Variants in TMEM230 observed in about 807,000 individuals in gnomAD.
The protein encoded by TMEM230 is transmembrane protein 230.
A neutral mutation model predicts 15.8 loss-of-function variants in TMEM230; 10 were observed. That is an observed-to-expected ratio of 0.63 (90% CI 0.39 to 1.07). The LOEUF (loss-of-function observed/expected upper bound fraction) is 1.07. Ranked by LOEUF, TMEM230 falls within the 50% of genes least tolerant of loss-of-function variation. TMEM230 has a pLI of 0.01. For synonymous variants in TMEM230, 67 were observed against 76.9 expected (o/e 0.87, Z 0.68); for missense variants, 165 against 193.3 (o/e 0.85, Z 0.87).
At chr20:5,107,239 G>A (rs914996189) in intron 3 of TMEM230, among the ~76,000 whole-genome samples, 7 of 152,162 alleles carry the variant, frequency 4.6e-5, no homozygotes, top group African/African-American at 1.4e-4. Flanking sequence ...GAGGTGAAGA[G>A]GCAGCGAGCT....
At chr20:5,091,867 C>A (rs577803951) in intron 3 of TMEM230, among the ~76,000 whole-genome samples, 1 of 152,278 alleles carries the variant, frequency 6.6e-6, no homozygotes, top group South Asian at 2.1e-4. Flanking sequence ...AAAGCTGACA[C>A]TGTAAATAGT....
chr20:5,067,286 C>T (rs1233020203), downstream of TMEM230: 1 of 151,462 alleles, frequency 6.6e-6, no homozygotes. Context: ...TCTACACAGG[C>T]TGAGCAAGTC....
rs2088735485 is a variant in TMEM230, at chr20:5,068,947, A to C, written c.*241T>G. On this transcript the variant is annotated 3_prime_UTR_variant, in exon 4 of 4. Coordinates refer to the TMEM230 transcript ENST00000612323. The stretch of plus-strand genomic sequence containing the variant: ...CAGGAACAGAGGTGGGGCCATGGGG[A>C]GTGGTCTGCGCCATTCTCACCATTC... 9.2e-6 allele frequency: 4 copies of C among 432,566 alleles called. No individual in the cohort carries two copies. In the South Asian group the frequency reaches 1.1e-4, roughly 12 times the overall value. The allele number at this position is 432,566 out of a possible 1,614,324, so 26.8% of individuals were successfully genotyped here. A position where few individuals can be genotyped will look rare whatever the true frequency, so the allele number is the denominator to read the frequency against.
At position 5,087,094 on chromosome 20, in the gene TMEM230, G is replaced by A. The variant is rs146326305; in HGVS notation, c.223-17745C>T. Among the ~76,000 whole-genome samples the A allele has an allele frequency of 1.6e-3, 249 of 151,974 alleles. 2 individuals carry two copies. Among genetic ancestry groups the A allele is most frequent in the African/African-American group, 5.8e-3 (242 of 41,444 alleles). On this transcript the variant is annotated intron_variant, in intron 3 of 3. Transcript: ENST00000612323. ...TTGCTATTTTGCCCAGGCTGGTCTC[G>A]AACTCACAGATGCAAGCAATCCTCC...
chr20:5,066,163 G>C (rs1161790606), downstream of TMEM230: 2 of 152,258 alleles, frequency 1.3e-5, no homozygotes, highest in African/African-American at 4.8e-5. Context: ...ACCCTGGCAC[G>C]CCTCCTTCCA....
the TMEM230 span, among the ~76,000 whole-genome samples, chr20:5,061,662 T>C: frequency 1.3e-5 from 2 of 152,166 alleles, no homozygotes; most frequent in Admixed American, 6.6e-5. Flanking sequence ...TCTGATTTGC[T>C]GACAGTAAGA....
downstream of TMEM230, among the ~76,000 whole-genome samples, chr20:5,066,660 G>A (rs577852038): frequency 1.4e-4 from 19 of 140,520 alleles, no homozygotes; most frequent in South Asian, 3.5e-3. Context: ...GAGCGAGAGA[G>A]ACTCTGTCTC....
At position 5,113,036 on chromosome 20, in the gene TMEM230, C is replaced by G. The variant is rs766505211; in HGVS notation, c.-8G>C. The stretch of plus-strand genomic sequence containing the variant: ...CAGCGCCCAAGGTTGCATGGCATGG[C>G]CCGCTTAAGTGCCACTCAGCCGGCC... On this transcript the variant is annotated 5_prime_UTR_variant, in exon 1 of 5. Transcript: ENST00000342308. 2 of 1,546,084 alleles carry G rather than the reference C, an allele frequency of 1.3e-6. No individual in the cohort carries two copies. The highest frequency in any genetic ancestry group is 1.2e-5 in the South Asian group (1 of 84,008).
rs2090323632 is a variant in TMEM230 at position 5,111,607 on chromosome 20, T to TTA, written c.69-3_69-2insTA. 1 of 58,734 alleles carries TTA rather than the reference T, an allele frequency of 1.7e-5. No homozygotes were observed. The highest frequency in any genetic ancestry group is 3.2e-4 in the Admixed American group (1 of 3,170). The allele number at this position is 58,734 out of a possible 1,614,324, so 3.6% of individuals were successfully genotyped here. On this transcript the variant is annotated splice_region_variant and splice_polypyrimidine_tract_variant and intron_variant, in intron 1 of 4. Coordinates refer to ENST00000342308, the MANE Select transcript of TMEM230 (RefSeq NM_001009923.2). Reference sequence around the variant, plus strand: ...CTGGGCGACAGAACTAGACTCCATCTAAAAAAAAAAAAAAAAAAAAAAAAA... The same window carrying TTA: ...CTGGGCGACAGAACTAGACTCCATCTTAAAAAAAAAAAAAAAAAAAAAAAAAA...
chr20:5,106,098 C>T, intron 4 of TMEM230, 90 bp downstream of exon 3: 1 of 1,491,626 alleles, frequency 6.7e-7, no homozygotes, highest in Non-Finnish European at 9.0e-7. Context: ...CACACACACA[C>T]ACACACACAC....
chr20:5,102,247 G>T (rs1260893937), intron 4 of TMEM230, among the ~76,000 whole-genome samples: 1 of 152,052 alleles, frequency 6.6e-6, no homozygotes, highest in Non-Finnish European at 1.5e-5. Flanking sequence ...TGCTGTACCA[G>T]ACATGAATAT....
intron 3 of TMEM230, among the ~76,000 whole-genome samples, chr20:5,079,780 G>C (rs928282175): frequency 4.0e-5 from 6 of 151,888 alleles, no homozygotes; most frequent in Non-Finnish European, 7.4e-5. Flanking sequence ...TTTGAGACAG[G>C]GTCTTGCTCT....
intron 3 of TMEM230, among the ~76,000 whole-genome samples, chr20:5,070,082 G>T (rs1470041722): frequency 6.6e-6 from 1 of 152,100 alleles, no homozygotes; most frequent in Non-Finnish European, 1.5e-5. Context: ...GTCTTCCCGG[G>T]CATGGAGTTA....
intron 3 of TMEM230, among the ~76,000 whole-genome samples, chr20:5,084,928 CAG>C (rs1175276754): frequency 1.1e-4 from 16 of 152,352 alleles, no homozygotes; most frequent in African/African-American, 3.4e-4. Context: ...TCCCATCCTC[CAG>C]AGTTAGCTGG....
At chr20:5,107,851 C>T (rs902304490) in intron 3 of TMEM230, among the ~76,000 whole-genome samples, 1 of 151,188 alleles carries the variant, frequency 6.6e-6, no homozygotes, top group African/African-American at 2.4e-5. Flanking sequence ...GTGACTCACG[C>T]CTGTAATTCC....
At chr20:5,075,499 T>C (rs2088961737) in intron 3 of TMEM230, among the ~76,000 whole-genome samples, 1 of 151,630 alleles carries the variant, frequency 6.6e-6, no homozygotes, top group Admixed American at 6.6e-5. Flanking sequence ...TGAGGGTGGA[T>C]GGATCACCTG....
intron 3 of TMEM230, 54 bp from the exon 3 acceptor site, chr20:5,106,364 TG>T (rs1317224626): frequency 6.5e-7 from 1 of 1,543,308 alleles, no homozygotes; most frequent in Admixed American, 2.2e-5. Flanking sequence ...TGCAAATACC[TG>T]GGTTCAAACA....
rs140695810 is a variant in TMEM230 at position 5,080,684 on chromosome 20, A to G, written c.223-11335T>C. Among the ~76,000 whole-genome samples the G allele has an allele frequency of 4.0e-5, 6 of 151,756 alleles. 1 individual carries two copies. The highest frequency in any genetic ancestry group is 1.5e-4 in the African/African-American group (6 of 41,342). On this transcript the variant is annotated intron_variant, in intron 3 of 3. Transcript: ENST00000612323. Reference sequence around the variant, plus strand: ...CGGATTCAAGTGATTCTCCCGCCTCAGCCTCCTTAATAGCTGGGTCTACAG... The same window carrying G: ...CGGATTCAAGTGATTCTCCCGCCTCGGCCTCCTTAATAGCTGGGTCTACAG...
chr20:5,063,691 A>G (rs2088627321), downstream of TMEM230, among the ~76,000 whole-genome samples: 1 of 152,154 alleles, frequency 6.6e-6, no homozygotes, highest in Non-Finnish European at 1.5e-5. Flanking sequence ...AGTTACAGAA[A>G]AGTGAAAAGT....
Sources: gnomAD v4.1 joint callset for allele counts (sites outside exome capture counted in the v4.1 genomes callset) on GRCh38, gnomAD v4.1.1 for gene constraint, MANE v1.5 for transcripts, NCBI Gene and HGNC (gene_info 2026-07-23, HGNC 2026-07-21) for gene names.